RNF43: variants seen among roughly 807,000 people sequenced by gnomAD.
The protein encoded by RNF43 is E3 ubiquitin-protein ligase RNF43.
In RNF43, 37 loss-of-function variants were observed where a neutral mutation model predicts 78.4. The ratio of observed to expected loss-of-function variants is 0.47; its 90% CI spans 0.36 to 0.62. The LOEUF is 0.62. Ranked by LOEUF, RNF43 falls within the 20% of genes least tolerant of loss-of-function variation. The pLI, the probability that RNF43 is intolerant of heterozygous loss-of-function variation, is 0.00. For missense variants in RNF43, 774 were observed against 1,007.9 expected (o/e 0.77, Z 3.14); for synonymous variants, 347 against 395.0 (o/e 0.88, Z 1.44).
At chr17:58,355,555 C>T (rs909177689) in intron 9 of RNF43, among the ~76,000 whole-genome samples, 4 of 152,084 alleles carry the variant, frequency 2.6e-5, no homozygotes, top group Non-Finnish European at 4.4e-5. Flanking sequence ...GAATTGTTTA[C>T]CCAGTTTGGC....
At chr17:58,355,063 T>A in intron 9 of RNF43, 77 bp from the exon 10 acceptor site, 1 of 1,309,250 alleles carries the variant, frequency 7.6e-7, no homozygotes, top group Non-Finnish European at 1.1e-6. Flanking sequence ...TGCAGCAGAG[T>A]GTGGCTGAGA....
intron 8 of RNF43, among the ~76,000 whole-genome samples, chr17:58,359,607 AAATAAT>A (rs376555627): frequency 0.013 from 1,875 of 149,002 alleles, 23 homozygotes; most frequent in Middle Eastern, 0.039. Context: ...CCAACTCAAA[AAATAAT>A]AATAATAATA....
intron 2 of RNF43, among the ~76,000 whole-genome samples, chr17:58,388,307 T>C (rs1458400800): frequency 6.6e-6 from 1 of 152,214 alleles, no homozygotes; most frequent in Non-Finnish European, 1.5e-5. Context: ...ATTCCTTGCC[T>C]GCACATTATC....
chr17:58,368,492 A>G (rs552706434), intron 3 of RNF43, among the ~76,000 whole-genome samples: 32 of 152,166 alleles, frequency 2.1e-4, no homozygotes, highest in Middle Eastern at 3.4e-3. Flanking sequence ...GGTTGCAGTG[A>G]GCTGAGACCA....
chr17:58,358,867 C>T lies in RNF43; in HGVS notation c.953-44G>A, dbSNP rs766941726. ...AGCACAGATGTTTAACTCTACAAAC[C>T]TACAGAGAATGCATTCAGAAAGACA... On this transcript the variant is annotated intron_variant, in intron 8 of 9. Transcript: ENST00000407977. This position sits in a 1 kb window ranked among gnomAD's most constrained non-coding sequence, Gnocchi z 6.2. The T allele has an allele frequency of 7.0e-6, 10 of 1,438,732 alleles. No individual in the cohort carries two copies. The highest frequency in any genetic ancestry group is 8.2e-6 in the Non-Finnish European group (9 of 1,098,452). The allele number at this position is 1,438,732 out of a possible 1,614,324, so 89.1% of individuals were successfully genotyped here. A position where few individuals can be genotyped will look rare whatever the true frequency, so the allele number is the denominator to read the frequency against.
rs760796801 is a variant in RNF43, at chr17:58,363,419, A to C, written c.451-13T>G. 1 of 1,614,164 alleles carries C rather than the reference A, an allele frequency of 6.2e-7. No individual in the cohort carries two copies. On this transcript the variant is annotated splice_polypyrimidine_tract_variant and intron_variant, in intron 4 of 9. Coordinates refer to ENST00000407977, the MANE Select transcript of RNF43 (RefSeq NM_017763.6). Reference sequence around the variant, plus strand: ...GCGGCTGCTGCAGCTACAGGGGGAAAGTGCCCACAGGGCTGCTGTGACTTC... The same window carrying C: ...GCGGCTGCTGCAGCTACAGGGGGAACGTGCCCACAGGGCTGCTGTGACTTC...
rs1974097568 is a variant in RNF43 at position 58,415,211 on chromosome 17, A to G, written c.252+115T>C. The G allele has an allele frequency of 2.7e-6, 3 of 1,093,812 alleles. No individual in the cohort carries two copies. The Admixed American group carries it at 6.3e-5, about 23-fold the overall frequency. The allele number at this position is 1,093,812 out of a possible 1,614,324, so 67.8% of individuals were successfully genotyped here. On this transcript the variant is annotated intron_variant, in intron 2 of 9. Coordinates refer to ENST00000407977, the MANE Select transcript of RNF43 (RefSeq NM_017763.6). The stretch of plus-strand genomic sequence containing the variant: ...CAATAAGGCAGTATCTACTCTTTCT[A>G]TGAAATAGAAAGCTAAGCAGTAGAA...
chr17:58,395,463 T>C (rs1052850427), intron 2 of RNF43, among the ~76,000 whole-genome samples: 1 of 152,098 alleles, frequency 6.6e-6, no homozygotes, highest in Non-Finnish European at 1.5e-5. Flanking sequence ...CAGTTTATTA[T>C]TGTGTACACT....
chr17:58,390,355 T>C (rs1973526396), intron 2 of RNF43, among the ~76,000 whole-genome samples: 1 of 152,228 alleles, frequency 6.6e-6, no homozygotes, highest in Non-Finnish European at 1.5e-5. Flanking sequence ...CGTGGCCCTA[T>C]CATTTTTCTT....
At chr17:58,368,408 C>T (rs1031035023) in intron 3 of RNF43, among the ~76,000 whole-genome samples, 1 of 152,044 alleles carries the variant, frequency 6.6e-6, no homozygotes, top group Non-Finnish European at 1.5e-5. Context: ...ATTAGCCAGG[C>T]GTGGTGGTGG....
chr17:58,407,296 TCTCCAAC>T (rs1973932632), intron 2 of RNF43, among the ~76,000 whole-genome samples: 1 of 151,968 alleles, frequency 6.6e-6, no homozygotes, highest in Non-Finnish European at 1.5e-5. Flanking sequence ...GCCAGGCTGG[TCTCCAAC>T]TCCTGACTTC....
rs973433777 is a variant in RNF43 at position 58,357,445 on chromosome 17, C to T, written c.2308+23G>A. 2 of 1,614,180 alleles carry T rather than the reference C, an allele frequency of 1.2e-6. No individual in the cohort carries two copies. Among genetic ancestry groups the T allele is most frequent in the Non-Finnish European group, 1.7e-6 (2 of 1,179,982 alleles). On this transcript the variant is annotated intron_variant, in intron 9 of 9. Coordinates refer to ENST00000407977, the MANE Select transcript of RNF43 (RefSeq NM_017763.6). This position sits in a 1 kb window ranked among gnomAD's most constrained non-coding sequence, Gnocchi z 4.5. The stretch of plus-strand genomic sequence containing the variant: ...GCTGTAGTCTCCTCTCCCTACCACA[C>T]CCACTTCCCTCTGAAAACTCACCAG...
chr17:58,413,129 T>C (rs1373549911), intron 2 of RNF43, among the ~76,000 whole-genome samples: 3 of 152,156 alleles, frequency 2.0e-5, no homozygotes, highest in Non-Finnish European at 4.4e-5. Context: ...CTAACCACAG[T>C]TGAGTAAACC....
intron 2 of RNF43, among the ~76,000 whole-genome samples, chr17:58,389,713 G>A (rs1955125867): frequency 6.6e-6 from 1 of 152,160 alleles, no homozygotes; most frequent in Non-Finnish European, 1.5e-5. Flanking sequence ...GCATTGAATT[G>A]AGTGGATCTG....
chr17:58,394,233 A>T (rs1973625343), intron 2 of RNF43, among the ~76,000 whole-genome samples: 1 of 152,232 alleles, frequency 6.6e-6, no homozygotes, highest in South Asian at 2.1e-4. Context: ...AATGTGAGTC[A>T]GTGGTAAGTT....
At chr17:58,370,056 C>T (rs1973046777) in intron 3 of RNF43, among the ~76,000 whole-genome samples, 2 of 127,742 alleles carry the variant, frequency 1.6e-5, no homozygotes, top group African/African-American at 3.0e-5. Flanking sequence ...AGCTGAAAAT[C>T]TGAGTTTTTT....
Position 58,363,513 on chromosome 17 carries a change from T to C in RNF43, c.450+13A>G, listed in dbSNP as rs764098066. ...CCAGCCCCCACCTTGAACACGCAAA[T>C]GTCCCTGGGTACCTGCTCAGCAGCA... is the stretch of plus-strand genomic sequence containing the variant. On this transcript the variant is annotated intron_variant, in intron 4 of 9. Coordinates refer to ENST00000407977, the MANE Select transcript of RNF43 (RefSeq NM_017763.6). 2.5e-6 allele frequency: 4 copies of C among 1,611,286 alleles called. No individual in the cohort carries two copies. The highest frequency in any genetic ancestry group is 4.5e-5 in the East Asian group (2 of 44,818).
At chr17:58,392,922 G>A (rs1973590114) in intron 2 of RNF43, among the ~76,000 whole-genome samples, 1 of 152,200 alleles carries the variant, frequency 6.6e-6, no homozygotes, top group Non-Finnish European at 1.5e-5. Context: ...TATCTACCTT[G>A]AGGAGGAGAT....
chr17:58,357,959 G>T lies in RNF43; in HGVS notation c.1817C>A (p.Pro606His), dbSNP rs754263377. ...CTGTGGGTTAGAGAGCCGCCCCGAA[G>T]GGGCTGCTGAGTTGGATCTGGTGAC... ...QQVTRSNSAA[P>H]SGRLSNPQCP... Residue 606 changes from proline to histidine, a missense_variant, in exon 9 of 10, where the codon CCT (proline) becomes CAT (histidine). Pro to His is a moderately conservative substitution (Grantham distance 77, BLOSUM62 -2). Transcript: ENST00000407977. This position sits in a 1 kb window ranked among gnomAD's most constrained non-coding sequence, Gnocchi z 4.5. 6.2e-7 allele frequency: 1 copy of T among 1,611,418 alleles called. No individual in the cohort carries two copies. The highest frequency in any genetic ancestry group is 8.5e-7 in the Non-Finnish European group (1 of 1,178,978).
Sources: allele counts gnomAD v4.1 joint callset (sites outside exome capture counted in the v4.1 genomes callset), GRCh38; gene constraint gnomAD v4.1.1; non-coding constraint Gnocchi (gnomAD v3.1); transcripts MANE v1.5; gene names NCBI Gene and HGNC (gene_info 2026-07-23, HGNC 2026-07-21).